The following ABCG2 variants were observed in gnomAD, a reference collection of about 807,000 sequenced individuals.
The protein encoded by ABCG2 is broad substrate specificity ATP-binding cassette transporter ABCG2.
ABCG2 carries 80 observed loss-of-function variants against 73.5 expected under a neutral mutation model. The ratio of observed to expected loss-of-function variants is 1.09; its 90% CI spans 0.91 to 1.31. The LOEUF (loss-of-function observed/expected upper bound fraction) is 1.31. Among genes scored for constraint, ABCG2 ranks in the 50% most tolerant of loss-of-function variants. The probability of loss-of-function intolerance (pLI) is 0.00; values close to 1 mark genes in which losing one functional copy is unlikely to be tolerated. For missense variants in ABCG2, 796 were observed against 786.2 expected (o/e 1.01, Z -0.15); for synonymous variants, 269 against 282.4 (o/e 0.95, Z 0.48).
rs916679412 is a variant in ABCG2, at chr4:88,093,421, G to A, written c.1821-1040C>T. ...CAGGAGGCTGAGGCAGGAGAATGGC[G>A]TCAACCCGGGAGGTGGAGCTTGCAG... On this transcript the variant is annotated intron_variant, in intron 15 of 15. Transcript: ENST00000237612. Among the ~76,000 whole-genome samples, 9 of 150,804 alleles carry A rather than the reference G, an allele frequency of 6.0e-5. 1 individual carries two copies. Among genetic ancestry groups the A allele is most frequent in the African/African-American group, 2.0e-4 (8 of 40,880 alleles).
chr4:88,207,042 G>A (rs1215579685), intron 1 of ABCG2, among the ~76,000 whole-genome samples: 6 of 152,100 alleles, frequency 3.9e-5, no homozygotes, highest in Admixed American at 6.5e-5. Flanking sequence ...TGATCCACCC[G>A]CCTTGGCCTC....
intron 1 of ABCG2, among the ~76,000 whole-genome samples, chr4:88,203,229 G>A (rs940950174): frequency 6.6e-6 from 1 of 152,110 alleles, no homozygotes; most frequent in East Asian, 1.9e-4. Context: ...AATTGAGGAT[G>A]AGGCGAAAAG....
At chr4:88,171,762 G>A (rs1192089369) in intron 1 of ABCG2, among the ~76,000 whole-genome samples, 1 of 151,964 alleles carries the variant, frequency 6.6e-6, no homozygotes, top group Non-Finnish European at 1.5e-5. Context: ...ACATTTATCT[G>A]GGAAAGTTTG....
intron 1 of ABCG2, among the ~76,000 whole-genome samples, chr4:88,151,622 C>T (rs1184147049): frequency 6.6e-6 from 1 of 151,898 alleles, no homozygotes; most frequent in African/African-American, 2.4e-5. Flanking sequence ...GCCGGTAGTC[C>T]CAGCTGCTGG....
At chr4:88,136,516 G>A (rs1725253409) in intron 2 of ABCG2, among the ~76,000 whole-genome samples, 1 of 152,018 alleles carries the variant, frequency 6.6e-6, no homozygotes, top group African/African-American at 2.4e-5. Flanking sequence ...GATGTGCCTG[G>A]GAAACATAGT....
chr4:88,095,035 T>G lies in ABCG2; in HGVS notation c.1738-376A>C, dbSNP rs190608779. 1.3e-3 allele frequency among the ~76,000 whole-genome samples: 201 copies of G among 152,352 alleles called. 1 individual carries two copies. The highest frequency in any genetic ancestry group is 4.7e-3 in the African/African-American group (195 of 41,576). Reference sequence around the variant, plus strand: ...GTGACAATCTTTCGTTCTTGTTTGTTTTCATTAGAACCAGTTGTAATTCTT... The same window carrying G: ...GTGACAATCTTTCGTTCTTGTTTGTGTTCATTAGAACCAGTTGTAATTCTT... On this transcript the variant is annotated intron_variant, in intron 14 of 15. Coordinates refer to ENST00000237612, the MANE Select transcript of ABCG2 (RefSeq NM_004827.3).
intron 1 of ABCG2, among the ~76,000 whole-genome samples, chr4:88,193,638 G>C (rs1728797276): frequency 6.6e-6 from 1 of 152,160 alleles, no homozygotes; most frequent in Non-Finnish European, 1.5e-5. Context: ...TTGCTAGTAG[G>C]CTGATTAGAA....
chr4:88,194,549 C>CAAAAAAAAA (rs58945293), intron 1 of ABCG2, among the ~76,000 whole-genome samples: 14 of 52,592 alleles, frequency 2.7e-4, no homozygotes, highest in Non-Finnish European at 3.7e-4. Context: ...GACTCCGTCT[C>CAAAAAAAAA]AAAAAAAAAA....
chr4:88,138,865 C>T (rs1195322962), intron 2 of ABCG2, among the ~76,000 whole-genome samples: 6 of 152,088 alleles, frequency 3.9e-5, no homozygotes, highest in Admixed American at 6.6e-5. Context: ...AAAAAAAATG[C>T]GTGGCCTGGC....
chr4:88,119,922 A>G (rs760311686), intron 6 of ABCG2, among the ~76,000 whole-genome samples: 37 of 152,226 alleles, frequency 2.4e-4, no homozygotes, highest in Non-Finnish European at 2.8e-4. Flanking sequence ...AGAAATTTGC[A>G]TAAGTAATAG....
At chr4:88,126,578 C>G (rs1201695572) in intron 5 of ABCG2, among the ~76,000 whole-genome samples, 1 of 152,160 alleles carries the variant, frequency 6.6e-6, no homozygotes, top group African/African-American at 2.4e-5. Flanking sequence ...CCTTATCCAC[C>G]ATGATCAAGT....
In ABCG2 at chr4:88,139,918, A is replaced by G; in HGVS notation, c.78T>C (p.Asn26=). 1 of 1,614,176 alleles carries G rather than the reference A, an allele frequency of 6.2e-7. No homozygotes were observed. Among genetic ancestry groups the G allele is most frequent in the Non-Finnish European group, 8.5e-7 (1 of 1,180,030 alleles). Residue 26 remains asparagine (N), a synonymous_variant, in exon 2 of 16, where the codon AAT becomes AAC. Transcript: ENST00000237612. ...NTNGFPATAS[N]DLKAFTEGAV... ...CTCCTTCAGTAAATGCCTTCAGGTC[A>G]TTGGAAGCTGTCGCGGGGAAGCCAT...
At chr4:88,100,480 G>C (rs1215674937) in intron 11 of ABCG2, among the ~76,000 whole-genome samples, 1 of 150,704 alleles carries the variant, frequency 6.6e-6, no homozygotes, top group Non-Finnish European at 1.5e-5. Context: ...TCCAGCCTGG[G>C]AGACAGAGCG....
At chr4:88,099,545 G>A (rs1436266395) in intron 11 of ABCG2, 97 bp from the exon 12 acceptor site, 3 of 1,301,876 alleles carry the variant, frequency 2.3e-6, no homozygotes, top group Non-Finnish European at 3.1e-6. Flanking sequence ...TGACAGCAGG[G>A]GTTGAACAAG....
intron 7 of ABCG2, among the ~76,000 whole-genome samples, chr4:88,115,914 G>A (rs375652450): frequency 3.3e-5 from 5 of 152,154 alleles, no homozygotes; most frequent in East Asian, 1.9e-4. Flanking sequence ...GAGGTCCAGC[G>A]CTGGGTGCAA....
At chr4:88,118,741 A>G (rs566478718) in intron 6 of ABCG2, among the ~76,000 whole-genome samples, 1 of 152,356 alleles carries the variant, frequency 6.6e-6, no homozygotes, top group African/African-American at 2.4e-5. Context: ...TGCAATTAAC[A>G]TAACTGAGTA....
chr4:88,179,527 C>T (rs1195023536), intron 1 of ABCG2, among the ~76,000 whole-genome samples: 3 of 152,130 alleles, frequency 2.0e-5, no homozygotes, highest in Non-Finnish European at 2.9e-5. Context: ...TCAAAACCAT[C>T]CAGGAAAACA....
In ABCG2 at chr4:88,113,499, G is replaced by C; in HGVS notation, c.998C>G (p.Ala333Gly). 1.9e-6 allele frequency: 3 copies of C among 1,613,964 alleles called. No individual in the cohort carries two copies. Among genetic ancestry groups the C allele is most frequent in the Non-Finnish European group, 2.5e-6 (3 of 1,179,984 alleles). ...GAAGGAGGAGTTGACATAAATCTCC[G>C]CTAATTTTTCTATGAGTGGCTTATC... ...KQDKPLIEKLAEIYVNSSFYK... is the reference protein window; with the variant it reads ...KQDKPLIEKLGEIYVNSSFYK... The change falls in exon 9 of 16, where the codon GCG becomes GGG. Residue 333 changes from alanine (A) to glycine (G), a missense_variant. By Grantham distance (60) the Ala-to-Gly change is moderately conservative. Transcript: ENST00000237612.
At chr4:88,221,176 C>T (rs998219486) in intron 1 of ABCG2, among the ~76,000 whole-genome samples, 6 of 152,064 alleles carry the variant, frequency 3.9e-5, no homozygotes, top group African/African-American at 1.4e-4. Context: ...GGCTGAGGTA[C>T]AAGAATCGCT....
Sources: gnomAD v4.1 joint callset for allele counts (sites outside exome capture counted in the v4.1 genomes callset) on GRCh38, gnomAD v4.1.1 for gene constraint, MANE v1.5 for transcripts, NCBI Gene and HGNC (gene_info 2026-07-23, HGNC 2026-07-21) for gene names.